AP5Z1: variants seen among roughly 807,000 people sequenced by gnomAD.
AP5Z1 encodes the protein adaptor related protein complex 5 subunit zeta 1, also known as AP-5 complex subunit zeta-1.
A neutral mutation model predicts 83.0 loss-of-function variants in AP5Z1; 106 were observed. The ratio of observed to expected loss-of-function variants is 1.28; its 90% CI spans 1.09 to 1.50. The LOEUF is 1.50. Among genes scored for constraint, AP5Z1 ranks in the 40% most tolerant of loss-of-function variants. The probability of loss-of-function intolerance (pLI) is 0.00; values close to 1 mark genes in which losing one functional copy is unlikely to be tolerated. For synonymous variants in AP5Z1, 751 were observed against 514.1 expected (o/e 1.46, Z -6.23); for missense variants, 1,565 against 1,094.2 (o/e 1.43, Z -6.07).
rs138305170 is a variant in AP5Z1, at chr7:4,784,784, C to G, written c.791-124C>G. 5 of 1,315,542 alleles carry G rather than the reference C, an allele frequency of 3.8e-6. No individual in the cohort carries two copies. The African/African-American group carries it at 7.5e-5, about 20-fold the overall frequency. The allele number at this position is 1,315,542 out of a possible 1,614,324, so 81.5% of individuals were successfully genotyped here. ...GTGGGTGGACGTCCTGAGACGGTGACGCCTCACGCCTCCCGGGAGGGGCTG... is the reference window on the plus strand; with the variant it reads ...GTGGGTGGACGTCCTGAGACGGTGAGGCCTCACGCCTCCCGGGAGGGGCTG... On this transcript the variant is annotated intron_variant, in intron 6 of 16. Transcript: ENST00000649063.
intron 13 of AP5Z1, among the ~76,000 whole-genome samples, chr7:4,789,252 C>T (rs1781665308): frequency 6.6e-6 from 1 of 152,034 alleles, no homozygotes; most frequent in Non-Finnish European, 1.5e-5. Context: ...GTCCTGTCTC[C>T]CATCCCAGCA....
chr7:4,781,336 C>A (rs368716858), intron 2 of AP5Z1, 24 bp downstream of exon 2: 3 of 1,611,430 alleles, frequency 1.9e-6, no homozygotes, highest in Non-Finnish European at 1.7e-6. Flanking sequence ...CGGCTCAGGC[C>A]GGCTCCTCAC....
intron 1 of AP5Z1, among the ~76,000 whole-genome samples, chr7:4,776,001 G>A (rs966161559): frequency 2.0e-5 from 3 of 152,212 alleles, no homozygotes; most frequent in African/African-American, 7.2e-5. Context: ...GTGAAAGCAA[G>A]TGGGGTGGGA....
rs779642265 is a variant in AP5Z1 at position 4,791,306 on chromosome 7, A to G, written c.2345A>G (p.Asp782Gly). 4 of 1,612,180 alleles carry G rather than the reference A, an allele frequency of 2.5e-6. No homozygotes were observed. Among genetic ancestry groups the G allele is most frequent in the Non-Finnish European group, 3.4e-6 (4 of 1,179,752 alleles). ...TEVCSPRYHR[D>G]ANTALPLALR... is the part of the protein sequence containing the mutation. The stretch of plus-strand genomic sequence containing the variant: ...GTGTGCAGCCCCCGCTATCACCGCG[A>G]TGCCAACACGGCCCTGCCCCTGGCC... Residue 782 changes from aspartate (D) to glycine (G), a missense_variant, in exon 17 of 17, where the codon GAT becomes GGT. Transcript: ENST00000649063.
chr7:4,791,049 C>T lies in AP5Z1; in HGVS notation c.2154-66C>T, dbSNP rs1169554865. ...CTGCTGGGCGCTTCAGGCCTGGCCC[C>T]TCCACACAGACCCCTGTCCTGGGAG... is the stretch of plus-strand genomic sequence containing the variant. On this transcript the variant is annotated intron_variant, in intron 16 of 16. Coordinates refer to ENST00000649063, the MANE Select transcript of AP5Z1 (RefSeq NM_014855.3). The T allele has an allele frequency of 1.3e-5, 19 of 1,494,850 alleles. No homozygotes were observed. The East Asian group carries it at 1.9e-4, about 15-fold the overall frequency. The allele number at this position is 1,494,850 out of a possible 1,614,324, so 92.6% of individuals were successfully genotyped here.
chr7:4,784,034 C>G (rs552416344), intron 5 of AP5Z1, among the ~76,000 whole-genome samples, 169 bp from the exon 6 acceptor site: 1 of 152,250 alleles, frequency 6.6e-6, no homozygotes, highest in East Asian at 1.9e-4. Context: ...CGACGCGCGT[C>G]TGCCTGGGGG....
chr7:4,784,967 G>T lies in AP5Z1; in HGVS notation c.850G>T (p.Gly284Cys), dbSNP rs764541582. The change falls in exon 7 of 17, where the codon GGC (glycine) becomes TGC (cysteine). Residue 284 changes from glycine (G) to cysteine (C), a missense_variant. Coordinates refer to ENST00000649063, the MANE Select transcript of AP5Z1 (RefSeq NM_014855.3). ...LSVISATSSA[G>C]RLLPPRERLR... Reference sequence around the variant, plus strand: ...GGTGATCTCCGCCACCTCCTCTGCCGGCCGCCTGCTGCCGCCCCGGGAGCG... The same window carrying T: ...GGTGATCTCCGCCACCTCCTCTGCCTGCCGCCTGCTGCCGCCCCGGGAGCG... 8 of 1,612,134 alleles carry T rather than the reference G, an allele frequency of 5.0e-6. No homozygotes were observed. The highest frequency in any genetic ancestry group is 6.8e-6 in the Non-Finnish European group (8 of 1,179,466).
intron 14 of AP5Z1, 57 bp downstream of exon 14, chr7:4,789,986 C>CCCCCCTCCCCCCCCCCCCCCCCCCCCCCT: frequency 1.0e-6 from 1 of 985,836 alleles, no homozygotes. Flanking sequence ...TGGACTCCTC[C>CCCCCCTCCCCCCCCCCCCCCCCCCCCCCT]CCCTCTCCCC....
At position 4,790,824 on chromosome 7, in the gene AP5Z1, T is replaced by A. The variant is rs1781742450; in HGVS notation, c.2090T>A (p.Val697Glu). Residue 697 changes from valine (V) to glutamate (E), a missense_variant, in exon 16 of 17, where the codon GTG becomes GAG. Val to Glu is a moderately radical substitution (Grantham distance 121). Coordinates refer to ENST00000649063, the MANE Select transcript of AP5Z1 (RefSeq NM_014855.3). ...SAALPRCPPQ[V>E]VTVLMTTLTK... ...GCCCTGCCCAGGTGTCCCCCCCAGG[T>A]GGTCACCGTGCTGATGACCACGCTG... 8.1e-6 allele frequency: 13 copies of A among 1,609,180 alleles called. No individual in the cohort carries two copies. The East Asian group carries it at 2.9e-4, about 36-fold the overall frequency.
chr7:4,782,439 T>C (rs1200080125), intron 3 of AP5Z1, among the ~76,000 whole-genome samples: 3 of 152,212 alleles, frequency 2.0e-5, no homozygotes, highest in African/African-American at 7.2e-5. Flanking sequence ...TGCTCATGGG[T>C]TGCCCAGGGG....
chr7:4,788,478 G>A, intron 12 of AP5Z1, 184 bp downstream of exon 12: 2 of 766,446 alleles, frequency 2.6e-6, no homozygotes, highest in Non-Finnish European at 3.9e-6. Context: ...CCGGGGGCGG[G>A]GCCTGGTCTC....
In AP5Z1 at chr7:4,775,680, T is replaced by C. The variant is rs755301109; in HGVS notation, c.-36T>C. 1.2e-6 allele frequency: 2 copies of C among 1,605,916 alleles called. No homozygotes were observed. The highest frequency in any genetic ancestry group is 1.7e-6 in the Non-Finnish European group (2 of 1,179,594). ...GCTCCTGGGCTGCAGCTCCTGGAGT[T>C]TCCGAGGTTCGTGCGCGTCTGGTGG... is the stretch of plus-strand genomic sequence containing the variant. On this transcript the variant is annotated 5_prime_UTR_variant, in exon 1 of 17. Coordinates refer to ENST00000649063, the MANE Select transcript of AP5Z1 (RefSeq NM_014855.3).
rs754211887 is a variant in AP5Z1 at position 4,784,895 on chromosome 7, C to T, written c.791-13C>T. 6.2e-7 allele frequency: 1 copy of T among 1,604,868 alleles called. No homozygotes were observed. Among genetic ancestry groups the T allele is most frequent in the Non-Finnish European group, 8.5e-7 (1 of 1,174,268 alleles). ...CCACACGTCAGCCTGCTGAGAGTTC[C>T]CACCTCCCGCAGATGACAGGTCAGA... is the stretch of plus-strand genomic sequence containing the variant. On this transcript the variant is annotated splice_polypyrimidine_tract_variant and intron_variant, in intron 6 of 16. Transcript: ENST00000649063.
Position 4,785,600 on chromosome 7 carries a change from C to CA in AP5Z1, c.1048_1049insA (p.Leu350HisfsTer60). 6.3e-7 allele frequency: 1 copy of CA among 1,597,040 alleles called. No homozygotes were observed. The highest frequency in any genetic ancestry group is 1.3e-5 in the African/African-American group (1 of 74,866). On this transcript the variant is annotated frameshift_variant, in exon 9 of 17. Coordinates refer to ENST00000649063, the MANE Select transcript of AP5Z1 (RefSeq NM_014855.3). LOFTEE classifies it high-confidence loss of function. Reference sequence around the variant, plus strand: ...CTTCCTGTACCGAAGTCTCTCCTGCCTGAAGGCCCTGCACGGGCGGGTGCG... The same window carrying CA: ...CTTCCTGTACCGAAGTCTCTCCTGCCATGAAGGCCCTGCACGGGCGGGTGCG...
chr7:4,789,992 T>TCCCCCCC, intron 14 of AP5Z1, 63 bp downstream of exon 14: 4 of 516,476 alleles, frequency 7.7e-6, no homozygotes, highest in Non-Finnish European at 9.9e-6. Context: ...CCTCCCCCTC[T>TCCCCCCC]CCCCTCCCCC....
Position 4,779,072 on chromosome 7 carries a change from AT to A in AP5Z1, c.42-2098del, listed in dbSNP as rs945417250. Among the ~76,000 whole-genome samples the A allele has an allele frequency of 1.5e-3, 219 of 146,136 alleles. 3 individuals carry two copies. The highest frequency in any genetic ancestry group is 5.1e-3 in the African/African-American group (207 of 40,264). ...GATAGATAGATAGATATAAAAATAT[AT>A]TTTTATATGTAATATATATAAAATA... On this transcript the variant is annotated intron_variant, in intron 1 of 16. Transcript: ENST00000649063.
At position 4,785,498 on chromosome 7, in the gene AP5Z1, T is replaced by C. The variant is rs1410157799; in HGVS notation, c.970-24T>C. The C allele has an allele frequency of 2.5e-6, 4 of 1,613,244 alleles. No homozygotes were observed. In the Admixed American group the frequency reaches 6.7e-5, roughly 27 times the overall value. On this transcript the variant is annotated intron_variant, in intron 8 of 16. Coordinates refer to ENST00000649063, the MANE Select transcript of AP5Z1 (RefSeq NM_014855.3). ...GGATGGGAGGCAGCGACTCGGCCCA[T>C]TTGATGTGGTCCATGTCCCGCAGTG...
At chr7:4,783,849 C>T (rs936522764) in intron 5 of AP5Z1, 51 bp downstream of exon 5, 9 of 1,507,020 alleles carry the variant, frequency 6.0e-6, no homozygotes, top group Non-Finnish European at 8.0e-6. Flanking sequence ...ACAGACAACC[C>T]CTCCCTGAGA....
chr7:4,779,158 A>G (rs1033393667), intron 1 of AP5Z1, among the ~76,000 whole-genome samples: 1 of 145,442 alleles, frequency 6.9e-6, no homozygotes, highest in Non-Finnish European at 1.5e-5. Context: ...ATATATAACA[A>G]CTATATAACA....
Sources: allele counts gnomAD v4.1 joint callset (sites outside exome capture counted in the v4.1 genomes callset), GRCh38; gene constraint gnomAD v4.1.1; transcripts MANE v1.5; gene names NCBI Gene and HGNC (gene_info 2026-07-23, HGNC 2026-07-21).